TENM4: variants seen among roughly 807,000 people sequenced by gnomAD.
The protein encoded by TENM4 is teneurin transmembrane protein 4, also known as teneurin-4.
A neutral mutation model predicts 243.3 loss-of-function variants in TENM4; 82 were observed. That is an observed-to-expected ratio of 0.34 (90% CI 0.28 to 0.40). TENM4 has a LOEUF of 0.40. Among genes scored for constraint, TENM4 ranks in the 10% least tolerant of loss-of-function variants. TENM4 has a pLI of 1.00. For synonymous variants in TENM4, 1,412 were observed against 1,456.3 expected (o/e 0.97, Z 0.69); for missense variants, 3,138 against 3,673.3 (o/e 0.85, Z 3.77).
intron 6 of TENM4, among the ~76,000 whole-genome samples, chr11:78,971,213 C>T: frequency 6.6e-6 from 1 of 151,862 alleles, no homozygotes; most frequent in East Asian, 1.9e-4. Context: ...TTTTAAAAAC[C>T]TCATGAGAAA....
chr11:78,725,009 T>C (rs947951048), intron 23 of TENM4, among the ~76,000 whole-genome samples: 5 of 152,170 alleles, frequency 3.3e-5, no homozygotes, highest in Non-Finnish European at 7.4e-5. Context: ...AGAAGTGAGG[T>C]GAGTGAGAAG....
At chr11:79,088,434 C>G (rs1301362695) in intron 4 of TENM4, among the ~76,000 whole-genome samples, 2 of 152,172 alleles carry the variant, frequency 1.3e-5, no homozygotes, top group African/African-American at 4.8e-5. Context: ...CATAGCAGCC[C>G]AGACATTGGC....
chr11:79,370,779 T>TAAAAAAAAAAAAAAAAAAAAA (rs544196671), intron 1 of TENM4, among the ~76,000 whole-genome samples: 1 of 57,144 alleles, frequency 1.7e-5, no homozygotes, highest in African/African-American at 5.9e-5. Context: ...ACTCCTATGG[T>TAAAAAAAAAAAAAAAAAAAAA]AAAAAAAAAA....
Position 78,778,596 on chromosome 11 carries a change from C to T in TENM4, c.2392+6G>A. On this transcript the variant is annotated splice_donor_region_variant and intron_variant, in intron 17 of 33. Coordinates refer to ENST00000278550, the MANE Select transcript of TENM4 (RefSeq NM_001098816.3). The stretch of plus-strand genomic sequence containing the variant: ...CAACAGGAAAATAGAGGAAGGAAGA[C>T]CATACCTTTAACTACCCTATCCAGA... 1 of 1,611,504 alleles carries T rather than the reference C, an allele frequency of 6.2e-7. No individual in the cohort carries two copies. Among genetic ancestry groups the T allele is most frequent in the South Asian group, 1.1e-5 (1 of 90,126 alleles).
intron 9 of TENM4, among the ~76,000 whole-genome samples, chr11:78,863,874 T>C (rs1009845549): frequency 1.3e-5 from 2 of 152,214 alleles, no homozygotes; most frequent in Non-Finnish European, 2.9e-5. Flanking sequence ...ATGTACTAAA[T>C]GATGTACATA....
intron 6 of TENM4, among the ~76,000 whole-genome samples, chr11:78,963,433 G>A (rs1435517929): frequency 1.3e-5 from 2 of 152,192 alleles, no homozygotes; most frequent in Non-Finnish European, 1.5e-5. Flanking sequence ...AAAGTATACA[G>A]TACAAGACAA....
rs1857893206 is a variant in TENM4 at position 78,656,324 on chromosome 11, C to T, written c.*1734G>A. 1 of 152,186 alleles carries T rather than the reference C, an allele frequency of 6.6e-6. No homozygotes were observed. The highest frequency in any genetic ancestry group is 2.1e-4 in the South Asian group (1 of 4,828). 9.4% of individuals were successfully genotyped at this position (152,186 alleles called of 1,614,324 possible). On this transcript the variant is annotated 3_prime_UTR_variant, in exon 34 of 34. Transcript: ENST00000278550. ...TTTCCACACTTAATGTAAATGTAACCCATAAAAGTTCCATTTTCTAAGAAG... is the reference window on the plus strand; with the variant it reads ...TTTCCACACTTAATGTAAATGTAACTCATAAAAGTTCCATTTTCTAAGAAG...
intron 17 of TENM4, among the ~76,000 whole-genome samples, chr11:78,777,339 A>G (rs1411200824): frequency 6.6e-6 from 1 of 152,166 alleles, no homozygotes; most frequent in Non-Finnish European, 1.5e-5. Context: ...TATTTGGCAA[A>G]GCTGTCCTAG....
intron 16 of TENM4, among the ~76,000 whole-genome samples, chr11:78,783,390 T>G (rs536819921): frequency 6.6e-6 from 1 of 152,312 alleles, no homozygotes; most frequent in East Asian, 1.9e-4. Context: ...GGAGTATTAG[T>G]GCCATGTAAG....
chr11:78,850,403 T>G (rs931245709), intron 12 of TENM4, among the ~76,000 whole-genome samples: 2 of 152,180 alleles, frequency 1.3e-5, no homozygotes, highest in African/African-American at 4.8e-5. Context: ...AGATTCCAAT[T>G]TGTGTGTTAA....
intron 6 of TENM4, among the ~76,000 whole-genome samples, chr11:78,979,534 G>GCATGCACATATGTGTTGTA (rs951141467): frequency 2.0e-5 from 3 of 152,202 alleles, no homozygotes; most frequent in Admixed American, 6.5e-5. Flanking sequence ...TGTGTGCTGT[G>GCATGCACATATGTGTTGTA]CATGCACATA....
In TENM4 at chr11:79,329,817, G is replaced by T. The variant is rs1217176756; in HGVS notation, c.-320-32274C>A. The stretch of plus-strand genomic sequence containing the variant: ...CTGTGCAGGTCTCAGCAAGGAGTTT[G>T]GTTCTCATTCTGAGTGTTCTGGGAA... On this transcript the variant is annotated intron_variant, in intron 1 of 33. Coordinates refer to ENST00000278550, the MANE Select transcript of TENM4 (RefSeq NM_001098816.3). Among the ~76,000 whole-genome samples, 4 of 152,280 alleles carry T rather than the reference G, an allele frequency of 2.6e-5. No homozygotes were observed. In the East Asian group the frequency reaches 5.8e-4, roughly 22 times the overall value.
At chr11:78,753,283 A>G (rs1856231616) in intron 19 of TENM4, among the ~76,000 whole-genome samples, 1 of 152,232 alleles carries the variant, frequency 6.6e-6, no homozygotes, top group Non-Finnish European at 1.5e-5. Flanking sequence ...ATGAAAGAGT[A>G]CCATTATTGC....
At chr11:78,821,502 C>T (rs1166996221) in intron 12 of TENM4, among the ~76,000 whole-genome samples, 3 of 152,090 alleles carry the variant, frequency 2.0e-5, no homozygotes, top group African/African-American at 7.2e-5. Context: ...TATTACAATG[C>T]CTAGAATAAA....
At chr11:78,765,053 G>A (rs1350119609) in intron 18 of TENM4, among the ~76,000 whole-genome samples, 1 of 152,192 alleles carries the variant, frequency 6.6e-6, no homozygotes, top group Non-Finnish European at 1.5e-5. Context: ...AAGCCCATCA[G>A]TCTTTTTGCA....
rs543793419 is a variant in TENM4 at position 78,731,236 on chromosome 11, C to T, written c.3138+1080G>A. Among the ~76,000 whole-genome samples the T allele has an allele frequency of 2.6e-5, 4 of 152,322 alleles. No homozygotes were observed. The South Asian group carries it at 8.3e-4, about 32-fold the overall frequency. ...CAGGGTTGAGTAACAAATTACTTCT[C>T]TCCAGCAAGCTCTGTCTCCACTGAC... On this transcript the variant is annotated intron_variant, in intron 21 of 33. Transcript: ENST00000278550.
intron 3 of TENM4, among the ~76,000 whole-genome samples, chr11:79,166,361 C>T (rs1862913656): frequency 6.6e-6 from 1 of 152,188 alleles, no homozygotes; most frequent in Non-Finnish European, 1.5e-5. Flanking sequence ...CTTTCATCAG[C>T]AAATTCAGCC....
At chr11:78,695,609 T>A (rs375019737) in intron 28 of TENM4, among the ~76,000 whole-genome samples, 2 of 151,974 alleles carry the variant, frequency 1.3e-5, no homozygotes, top group South Asian at 2.1e-4. Context: ...GTGATCCACC[T>A]GCCTCGGCCT....
chr11:79,041,928 C>T (rs558231944), intron 6 of TENM4, among the ~76,000 whole-genome samples: 1 of 152,288 alleles, frequency 6.6e-6, no homozygotes, highest in East Asian at 1.9e-4. Flanking sequence ...CTGACCACAA[C>T]GGGGGCTACA....
Sources: allele counts gnomAD v4.1 joint callset (sites outside exome capture counted in the v4.1 genomes callset), GRCh38; gene constraint gnomAD v4.1.1; transcripts MANE v1.5; gene names NCBI Gene and HGNC (gene_info 2026-07-23, HGNC 2026-07-21).